ART3: variants seen among roughly 807,000 people sequenced by gnomAD.
ART3 encodes the protein ecto-ADP-ribosyltransferase 3.
In ART3, 49 loss-of-function variants were observed where a neutral mutation model predicts 48.5. The observed-to-expected ratio is 1.01, with a 90% CI of 0.80 to 1.28. ART3 has a LOEUF of 1.28. Among genes scored for constraint, ART3 ranks in the 50% most tolerant of loss-of-function variants. The pLI, the probability that ART3 is intolerant of heterozygous loss-of-function variation, is 0.00. For synonymous variants in ART3, 145 were observed against 157.2 expected (o/e 0.92, Z 0.58); for missense variants, 438 against 454.3 (o/e 0.96, Z 0.33).
At chr4:76,107,732 A>T in intron 10 of ART3, 29 bp from the exon 11 acceptor site, 3 of 1,357,228 alleles carry the variant, frequency 2.2e-6, no homozygotes, top group Non-Finnish European at 3.1e-6. Flanking sequence ...TATACAATAT[A>T]ACTAACTCAA....
chr4:76,100,149 A>T (rs951271398), intron 5 of ART3, 142 bp from the exon 6 acceptor site: 1 of 660,840 alleles, frequency 1.5e-6, no homozygotes, highest in Non-Finnish European at 2.5e-6. Context: ...CCGACAACTT[A>T]AGTTTAGTAG....
chr4:76,021,741 T>C, intron 1 of ART3: 1 of 653,284 alleles, frequency 1.5e-6, no homozygotes, highest in South Asian at 1.8e-5. Context: ...CTTAGGATGA[T>C]GAACATTAAC....
At chr4:76,014,855 A>T (rs57005804) in intron 1 of ART3, among the ~76,000 whole-genome samples, 1,733 of 152,232 alleles carry the variant, frequency 0.011, 38 homozygotes, top group African/African-American at 0.039. Context: ...TTAACAGCTG[A>T]TTTCTTATCA....
At chr4:76,015,261 G>A (rs1398603759) in intron 1 of ART3, among the ~76,000 whole-genome samples, 4 of 152,212 alleles carry the variant, frequency 2.6e-5, no homozygotes, top group Non-Finnish European at 4.4e-5. Flanking sequence ...GCTGTAATCT[G>A]TGACAATAAC....
chr4:76,089,852 C>T (rs901761114), intron 3 of ART3, among the ~76,000 whole-genome samples: 2 of 152,012 alleles, frequency 1.3e-5, no homozygotes, highest in Admixed American at 6.6e-5. Context: ...GAGGCCGAGG[C>T]GGGCAGATCA....
chr4:76,100,662 C>G, intron 6 of ART3, 133 bp from the exon 7 acceptor site: 7 of 1,040,106 alleles, frequency 6.7e-6, no homozygotes, highest in Non-Finnish European at 9.9e-6. Flanking sequence ...TGGGGGCTTG[C>G]ATTTTGCAAG....
chr4:76,072,895 G>T (rs76038505), upstream of ART3, among the ~76,000 whole-genome samples: 7,981 of 152,116 alleles, frequency 0.052, 694 homozygotes, highest in African/African-American at 0.18. Flanking sequence ...CTTCATGGCT[G>T]ATCTCTTTCA....
intron 1 of ART3, among the ~76,000 whole-genome samples, chr4:76,050,204 G>A (rs2149450980): frequency 6.6e-6 from 1 of 152,240 alleles, no homozygotes; most frequent in Middle Eastern, 3.4e-3. Flanking sequence ...TGAGCGGGTT[G>A]CCACTGCTGG....
intron 1 of ART3, among the ~76,000 whole-genome samples, chr4:76,052,150 G>T (rs1178327292): frequency 6.6e-6 from 1 of 152,096 alleles, no homozygotes. Flanking sequence ...GGAGGCTGAG[G>T]TGGGCAGATC....
chr4:76,065,846 C>T (rs537901407), intron 1 of ART3, among the ~76,000 whole-genome samples: 1 of 151,688 alleles, frequency 6.6e-6, no homozygotes, highest in Non-Finnish European at 1.5e-5. Context: ...TTTGAAAATA[C>T]TAAATAGATA....
At chr4:76,063,737 A>C (rs1463345325) in intron 1 of ART3, among the ~76,000 whole-genome samples, 1 of 152,200 alleles carries the variant, frequency 6.6e-6, no homozygotes, top group Admixed American at 6.5e-5. Flanking sequence ...CTGCACTTGA[A>C]AATTAGTTTA....
At chr4:76,052,315 C>A (rs1736187505) in intron 1 of ART3, among the ~76,000 whole-genome samples, 1 of 152,138 alleles carries the variant, frequency 6.6e-6, no homozygotes, top group African/African-American at 2.4e-5. Flanking sequence ...ATAAGGATGA[C>A]TTCATCCTTG....
At chr4:76,035,597 T>C (rs1734316267) in intron 1 of ART3, among the ~76,000 whole-genome samples, 1 of 152,248 alleles carries the variant, frequency 6.6e-6, no homozygotes, top group Non-Finnish European at 1.5e-5. Flanking sequence ...TTTTGCCCCC[T>C]TGATTTTATC....
At chr4:76,070,383 T>C (rs1333026268), upstream of ART3, among the ~76,000 whole-genome samples, 3 of 152,204 alleles carry the variant, frequency 2.0e-5, no homozygotes, top group Non-Finnish European at 4.4e-5. Context: ...TTAGCCATTC[T>C]AGTGGATGTA....
chr4:76,052,353 G>A (rs958421131), intron 1 of ART3, among the ~76,000 whole-genome samples: 13 of 152,064 alleles, frequency 8.5e-5, no homozygotes, highest in Admixed American at 3.9e-4. Flanking sequence ...CATTGCAGTC[G>A]CAAGTGCATG....
intron 1 of ART3, among the ~76,000 whole-genome samples, chr4:76,043,876 A>G (rs2149434397): frequency 6.6e-6 from 1 of 152,068 alleles, no homozygotes; most frequent in Admixed American, 6.5e-5. Context: ...AGGACACCCC[A>G]ACTGCTGTTG....
chr4:76,034,938 A>G, intron 1 of ART3: 1 of 1,358,220 alleles, frequency 7.4e-7, no homozygotes, highest in Non-Finnish European at 1.0e-6. Context: ...AGAATATTTC[A>G]CACAGGATCA....
At chr4:76,080,569 G>A (rs9884583) in intron 2 of ART3, among the ~76,000 whole-genome samples, 251 of 152,140 alleles carry the variant, frequency 1.6e-3, no homozygotes, top group Non-Finnish European at 2.6e-3. Flanking sequence ...GGAGTGCTGT[G>A]GTGCAGTCTC....
At chr4:76,052,976 G>A (rs1288550922) in intron 1 of ART3, among the ~76,000 whole-genome samples, 1 of 152,068 alleles carries the variant, frequency 6.6e-6, no homozygotes, top group Non-Finnish European at 1.5e-5. Flanking sequence ...CCATCCACCT[G>A]CCTCAGCCTC....
Sources: allele counts gnomAD v4.1 joint callset (sites outside exome capture counted in the v4.1 genomes callset), GRCh38; gene constraint gnomAD v4.1.1; transcripts MANE v1.5; gene names NCBI Gene and HGNC (gene_info 2026-07-23, HGNC 2026-07-21).